Variants in GNAO1 observed in about 807,000 individuals in gnomAD.
GNAO1 encodes the protein guanine nucleotide-binding protein G(o) subunit alpha.
For synonymous variants in GNAO1, 164 were observed against 180.7 expected, an observed-to-expected ratio of 0.91 and a Z score of 0.74; for missense variants, 166 against 478.7, an observed-to-expected ratio of 0.35 and a Z score of 6.10.
chr16:56,237,898 G>A (rs1364032564), intron 2 of GNAO1, among the ~76,000 whole-genome samples: 2 of 152,320 alleles, frequency 1.3e-5, no homozygotes, highest in African/African-American at 4.8e-5. Context: ...TTAGTGTCTA[G>A]GTTCCTGGGG....
In GNAO1 at chr16:56,351,644, G is replaced by A; in HGVS notation, c.877+107G>A. Reference sequence around the variant, plus strand: ...CACTGCTGGGGCTAGCTGGCGAGCGGGACCCATTGCAGGAGACTGGTGGGG... The same window carrying A: ...CACTGCTGGGGCTAGCTGGCGAGCGAGACCCATTGCAGGAGACTGGTGGGG... On this transcript the variant is annotated intron_variant, in intron 7 of 8. Coordinates refer to ENST00000262493, the MANE Select transcript of GNAO1 (RefSeq NM_020988.3). This position sits in a 1 kb window ranked among gnomAD's most constrained non-coding sequence, Gnocchi z 6.1. 1.2e-6 allele frequency: 1 copy of A among 867,214 alleles called. No homozygotes were observed. The highest frequency in any genetic ancestry group is 1.6e-5 in the South Asian group (1 of 62,780). 53.7% of individuals were successfully genotyped at this position (867,214 alleles called of 1,614,324 possible). A position where few individuals can be genotyped will look rare whatever the true frequency, so the allele number is the denominator to read the frequency against.
intron 3 of GNAO1, among the ~76,000 whole-genome samples, chr16:56,294,141 AGGCTCTGCGAGG>A (rs2037259666): frequency 6.6e-6 from 1 of 152,178 alleles, no homozygotes; most frequent in Admixed American, 6.5e-5. Context: ...TACCTAGGCC[AGGCTCTGCGAGG>A]GGAGTTTACT....
intron 3 of GNAO1, among the ~76,000 whole-genome samples, chr16:56,298,836 A>AC: frequency 6.6e-6 from 1 of 151,380 alleles, no homozygotes; most frequent in South Asian, 2.1e-4. Flanking sequence ...AATGGTGTGA[A>AC]CCCGGTAGGC....
intron 2 of GNAO1, among the ~76,000 whole-genome samples, chr16:56,257,370 A>G (rs1447396932): frequency 6.6e-6 from 1 of 152,200 alleles, no homozygotes; most frequent in Non-Finnish European, 1.5e-5. Flanking sequence ...ATGTCTTTGC[A>G]TCGGCTAGCT....
chr16:56,347,081 A>C, intron 6 of GNAO1: 1 of 985,374 alleles, frequency 1.0e-6, no homozygotes, highest in Non-Finnish European at 1.2e-6. Flanking sequence ...ACTCTTGGCA[A>C]GTGAGTCCAT....
chr16:56,325,502 A>G (rs961167746), intron 3 of GNAO1, among the ~76,000 whole-genome samples: 4 of 152,164 alleles, frequency 2.6e-5, no homozygotes, highest in African/African-American at 9.7e-5. Flanking sequence ...ATAATAATGC[A>G]CACATGAATA....
At chr16:56,302,785 T>G (rs1336647030) in intron 3 of GNAO1, 1 of 152,270 alleles carries the variant, frequency 6.6e-6, no homozygotes, top group Non-Finnish European at 1.5e-5. Flanking sequence ...CTGTGTGTAT[T>G]GATTTCTCAC....
chr16:56,344,473 C>T, intron 6 of GNAO1: 1 of 991,914 alleles, frequency 1.0e-6, no homozygotes. Flanking sequence ...AGGACTCAGG[C>T]CTTGGCGATG....
chr16:56,328,534 C>G (rs2037657751), intron 3 of GNAO1, 97 bp from the exon 4 acceptor site: 1 of 1,271,572 alleles, frequency 7.9e-7, no homozygotes, highest in Non-Finnish European at 1.1e-6. Flanking sequence ...ACTGGCTGGG[C>G]TCTCATCACA....
intron 2 of GNAO1, among the ~76,000 whole-genome samples, chr16:56,237,152 A>G (rs1331821666): frequency 6.6e-6 from 1 of 152,230 alleles, no homozygotes; most frequent in Non-Finnish European, 1.5e-5. Context: ...TTTTCAGGTA[A>G]GTCTCTCTTA....
At chr16:56,337,141 C>T (rs192427061) in intron 6 of GNAO1, among the ~76,000 whole-genome samples, 2 of 152,350 alleles carry the variant, frequency 1.3e-5, no homozygotes, top group African/African-American at 4.8e-5. Flanking sequence ...TTGGTGGAGT[C>T]ACAGAGGCCA....
chr16:56,346,338 C>A, intron 6 of GNAO1: 1 of 985,374 alleles, frequency 1.0e-6, no homozygotes, highest in Non-Finnish European at 1.2e-6. Context: ...GGTTTCTAAT[C>A]CACAGTGGTC....
At chr16:56,320,410 T>TGCA (rs1219690046) in intron 3 of GNAO1, among the ~76,000 whole-genome samples, 1 of 152,222 alleles carries the variant, frequency 6.6e-6, no homozygotes, top group East Asian at 1.9e-4. Context: ...GAGAAAATGA[T>TGCA]GGTGCTGTCA....
intron 2 of GNAO1, among the ~76,000 whole-genome samples, chr16:56,234,134 A>G (rs1281123232): frequency 6.6e-6 from 1 of 152,226 alleles, no homozygotes; most frequent in East Asian, 1.9e-4. Flanking sequence ...AGCCAGCATT[A>G]GCTATTTTTA....
At chr16:56,272,550 G>A (rs574963505) in intron 2 of GNAO1, among the ~76,000 whole-genome samples, 54 of 152,314 alleles carry the variant, frequency 3.5e-4, no homozygotes, top group African/African-American at 1.2e-3. Context: ...GGACACCCCA[G>A]GCAACAGATT....
chr16:56,194,645 C>G, intron 2 of GNAO1: 1 of 163,214 alleles, frequency 6.1e-6, no homozygotes, highest in Non-Finnish European at 1.3e-5. Context: ...CGGAGGGGGT[C>G]GAAAGCATTC....
At chr16:56,218,156 C>T (rs1362994551) in intron 2 of GNAO1, among the ~76,000 whole-genome samples, 2 of 152,250 alleles carry the variant, frequency 1.3e-5, no homozygotes, top group Non-Finnish European at 2.9e-5. Context: ...GAGATCCTCT[C>T]AAATGTCCCA....
intron 2 of GNAO1, among the ~76,000 whole-genome samples, chr16:56,274,079 C>T (rs1327774183): frequency 6.6e-6 from 1 of 152,216 alleles, no homozygotes; most frequent in African/African-American, 2.4e-5. Context: ...CTTTCCTGAA[C>T]TCACTTTTTC....
intron 2 of GNAO1, among the ~76,000 whole-genome samples, chr16:56,216,462 A>G (rs573298787): frequency 6.6e-6 from 1 of 152,282 alleles, no homozygotes; most frequent in South Asian, 2.1e-4. Flanking sequence ...AACCTTCTTC[A>G]TTCTTCACAT....
Sources: allele counts gnomAD v4.1 joint callset (sites outside exome capture counted in the v4.1 genomes callset), GRCh38; gene constraint gnomAD v4.1.1; non-coding constraint Gnocchi (gnomAD v3.1); transcripts MANE v1.5; gene names NCBI Gene and HGNC (gene_info 2026-07-23, HGNC 2026-07-21).